The following ANO1 variants were observed in gnomAD, a reference collection of about 807,000 sequenced individuals.
ANO1 encodes the protein anoctamin-1.
Under a neutral mutation model 124.0 loss-of-function variants are expected in ANO1, and 59 were observed. The observed-to-expected ratio is 0.48, with a 90% CI of 0.39 to 0.59. The LOEUF (loss-of-function observed/expected upper bound fraction) is 0.59. Ranked by LOEUF, ANO1 falls within the 20% of genes least tolerant of loss-of-function variation. ANO1 has a pLI of 0.00. For missense variants in ANO1, 1,059 were observed against 1,328.0 expected (o/e 0.80, Z 3.15); for synonymous variants, 529 against 532.0 (o/e 0.99, Z 0.08).
At chr11:70,167,200 C>T (rs1364971334) in intron 20 of ANO1, 42 bp from the exon 21 acceptor site, 1 of 1,603,840 alleles carries the variant, frequency 6.2e-7, no homozygotes, top group Non-Finnish European at 8.5e-7. Context: ...CCCCCAAATT[C>T]ACCCTCCTGC....
At chr11:70,144,366 G>A (rs1034744431) in intron 11 of ANO1, among the ~76,000 whole-genome samples, 1 of 151,992 alleles carries the variant, frequency 6.6e-6, no homozygotes, top group Non-Finnish European at 1.5e-5. Context: ...CCTGCCCTGA[G>A]CACCGCTTGT....
At chr11:70,157,409 C>G (rs916783038) in intron 16 of ANO1, among the ~76,000 whole-genome samples, 38 of 149,240 alleles carry the variant, frequency 2.5e-4, no homozygotes, top group African/African-American at 9.1e-4. Flanking sequence ...TCCTCCAAGA[C>G]CTGATTCAGC....
At chr11:70,159,744 T>A (rs2047974323) in intron 16 of ANO1, among the ~76,000 whole-genome samples, 1 of 152,196 alleles carries the variant, frequency 6.6e-6, no homozygotes, top group Non-Finnish European at 1.5e-5. Flanking sequence ...CCCACAGGCC[T>A]GGCGCTCCAG....
At chr11:69,978,307 G>A in the ANO1 span, among the ~76,000 whole-genome samples, 1 of 152,256 alleles carries the variant, frequency 6.6e-6, no homozygotes, top group South Asian at 2.1e-4. Context: ...GAAGCGGATG[G>A]ACTGGGTGCC....
intron 11 of ANO1, among the ~76,000 whole-genome samples, chr11:70,142,003 G>A (rs117795655): frequency 5.2e-4 from 79 of 152,258 alleles, no homozygotes; most frequent in Middle Eastern, 3.4e-3. Context: ...ACTGCACCGT[G>A]GGGTCCAGCT....
chr11:70,036,405 C>T (rs914868124), intron 1 of ANO1, among the ~76,000 whole-genome samples: 1 of 152,180 alleles, frequency 6.6e-6, no homozygotes, highest in Non-Finnish European at 1.5e-5. Context: ...ATAAAACCCT[C>T]ATTTCAAATA....
At chr11:70,170,300 G>A (rs1370545944) in intron 21 of ANO1, 4 of 362,926 alleles carry the variant, frequency 1.1e-5, no homozygotes, top group South Asian at 2.0e-5. Flanking sequence ...TCCTTTTGGC[G>A]ATGATTTTTT....
At chr11:70,155,553 T>C (rs934947305) in intron 14 of ANO1, among the ~76,000 whole-genome samples, 2 of 152,210 alleles carry the variant, frequency 1.3e-5, no homozygotes, top group African/African-American at 4.8e-5. Flanking sequence ...TGGGTGTGGC[T>C]TCCTTCTTGC....
intron 1 of ANO1, among the ~76,000 whole-genome samples, chr11:70,035,708 C>A (rs1202386585): frequency 1.3e-5 from 2 of 152,056 alleles, no homozygotes; most frequent in African/African-American, 4.8e-5. Context: ...CCCTGACAGG[C>A]CCTGGTGTGT....
intron 2 of ANO1, among the ~76,000 whole-genome samples, chr11:70,100,561 C>T (rs1393807172): frequency 6.6e-6 from 1 of 152,162 alleles, no homozygotes; most frequent in African/African-American, 2.4e-5. Flanking sequence ...CCTGGAGACA[C>T]TTTGACTGTG....
At chr11:70,176,604 A>G (rs1353620481) in intron 22 of ANO1, among the ~76,000 whole-genome samples, 1 of 152,082 alleles carries the variant, frequency 6.6e-6, no homozygotes, top group African/African-American at 2.4e-5. Context: ...TGTTTATCAG[A>G]CTCAAGGTCT....
At chr11:70,148,105 G>T (rs2135612318) in intron 11 of ANO1, among the ~76,000 whole-genome samples, 1 of 152,272 alleles carries the variant, frequency 6.6e-6, no homozygotes, top group African/African-American at 2.4e-5. Flanking sequence ...CTCTGAACCA[G>T]GTTCACACCC....
intron 1 of ANO1, among the ~76,000 whole-genome samples, chr11:70,020,258 C>T (rs1856777100): frequency 6.6e-6 from 1 of 152,162 alleles, no homozygotes; most frequent in Non-Finnish European, 1.5e-5. Context: ...CAGTTCCTGC[C>T]CAACAGCCCA....
At chr11:70,001,336 C>A (rs1457904763) in intron 1 of ANO1, among the ~76,000 whole-genome samples, 7 of 152,184 alleles carry the variant, frequency 4.6e-5, no homozygotes, top group Admixed American at 4.6e-4. Context: ...TTAAGTTCAA[C>A]AGAAATGCAC....
At chr11:70,109,876 G>T (rs7927723) in intron 6 of ANO1, among the ~76,000 whole-genome samples, 1 of 151,890 alleles carries the variant, frequency 6.6e-6, no homozygotes, top group African/African-American at 2.4e-5. Flanking sequence ...ACCTGGTGAC[G>T]GGGCAGATAG....
In ANO1 at chr11:70,160,708, C is replaced by T. The variant is rs530974808; in HGVS notation, c.1579-453C>T. Among the ~76,000 whole-genome samples the T allele has an allele frequency of 5.0e-3, 756 of 152,338 alleles. 3 individuals carry two copies. The highest frequency in any genetic ancestry group is 6.8e-3 in the Non-Finnish European group (464 of 68,026). On this transcript the variant is annotated intron_variant, in intron 16 of 25. Coordinates refer to ENST00000355303, the MANE Select transcript of ANO1 (RefSeq NM_018043.7). Reference sequence around the variant, plus strand: ...CCACCTGAGGATGTCCCTGAGCTCACCATGGGTTGGGGGAGAAGCCCCATC... The same window carrying T: ...CCACCTGAGGATGTCCCTGAGCTCATCATGGGTTGGGGGAGAAGCCCCATC...
exon 1 of ANO1, chr11:69,986,106 G>T (rs1856035002): frequency 6.6e-6 from 1 of 152,390 alleles, no homozygotes; most frequent in Admixed American, 6.5e-5. Flanking sequence ...CAGCGAACGC[G>T]CCATGCAGGA....
rs1434336906 is a variant in ANO1, at chr11:70,155,977, G to A, written c.1492G>A (p.Gly498Arg). ...WKQRVKTAMAGVKLTDKVKLT... is the reference protein window; with the variant it reads ...WKQRVKTAMARVKLTDKVKLT... ...GCAGAGGGTTAAGACAGCCATGGCG[G>A]GGGTGAAATTGGTACTTTTCTATTT... The change falls in exon 15 of 26, where the codon GGG becomes AGG. Residue 498 changes from glycine (G) to arginine (R), a missense_variant. By Grantham distance (125) the Gly-to-Arg change is moderately radical (BLOSUM62 -2). Around this residue, in one of 2 missense-constraint regions of ANO1, gnomAD observed 809 missense variants for 1,094.9 expected, o/e 0.74. Transcript: ENST00000355303. The A allele has an allele frequency of 6.6e-7, 1 of 1,525,588 alleles. No individual in the cohort carries two copies. The highest frequency in any genetic ancestry group is 8.8e-7 in the Non-Finnish European group (1 of 1,136,832). The allele number at this position is 1,525,588 out of a possible 1,614,324, so 94.5% of individuals were successfully genotyped here.
intron 11 of ANO1, among the ~76,000 whole-genome samples, chr11:70,148,815 C>A (rs1461599696): frequency 2.0e-5 from 3 of 152,212 alleles, no homozygotes; most frequent in Non-Finnish European, 4.4e-5. Flanking sequence ...CCCATCCCTG[C>A]CTCACATACA....
Sources: allele counts gnomAD v4.1 joint callset (sites outside exome capture counted in the v4.1 genomes callset), GRCh38; gene constraint gnomAD v4.1.1; regional missense constraint gnomAD v4.1.1; transcripts MANE v1.5; gene names NCBI Gene and HGNC (gene_info 2026-07-23, HGNC 2026-07-21).